Variants in ABCG8 observed in about 807,000 individuals in gnomAD.
The protein encoded by ABCG8 is ATP binding cassette subfamily G member 8.
In ABCG8, 81 loss-of-function variants were observed where a neutral mutation model predicts 71.3. The ratio of observed to expected loss-of-function variants is 1.14; its 90% CI spans 0.95 to 1.37. ABCG8 has a LOEUF of 1.37. Among genes scored for constraint, ABCG8 ranks in the 40% most tolerant of loss-of-function variants. The probability of loss-of-function intolerance (pLI) is 0.00; values close to 1 mark genes in which losing one functional copy is unlikely to be tolerated. For synonymous variants in ABCG8, 451 were observed against 354.7 expected, an observed-to-expected ratio of 1.27 and a Z score of -3.05; for missense variants, 1,119 against 866.2, an observed-to-expected ratio of 1.29 and a Z score of -3.66.
intron 6 of ABCG8, among the ~76,000 whole-genome samples, chr2:43,867,442 G>T (rs1208450884): frequency 6.6e-6 from 1 of 151,358 alleles, no homozygotes; most frequent in Non-Finnish European, 1.5e-5. Context: ...TATCTGGATA[G>T]AATTCTCACC....
At chr2:43,842,798 TG>T (rs1668622192) in intron 1 of ABCG8, among the ~76,000 whole-genome samples, 1 of 152,104 alleles carries the variant, frequency 6.6e-6, no homozygotes, top group Admixed American at 6.6e-5. Context: ...TGTATAATTT[TG>T]GGTCTTTATG....
chr2:43,859,052 A>C (rs1283090842), intron 6 of ABCG8, among the ~76,000 whole-genome samples: 1 of 151,474 alleles, frequency 6.6e-6, no homozygotes, highest in East Asian at 1.9e-4. Context: ...CACCATCTGG[A>C]TAGAACTCTC....
chr2:43,874,310 A>T, intron 9 of ABCG8, 97 bp from the exon 10 acceptor site: 1 of 1,092,966 alleles, frequency 9.1e-7, no homozygotes, highest in Admixed American at 1.7e-5. Context: ...GGGCAATATG[A>T]TAACTACTTT....
chr2:43,856,826 C>T (rs375270814), intron 6 of ABCG8, among the ~76,000 whole-genome samples: 1 of 151,326 alleles, frequency 6.6e-6, no homozygotes, highest in Non-Finnish European at 1.5e-5. Context: ...CTGGATAGAA[C>T]GCTCACTATC....
intron 8 of ABCG8, among the ~76,000 whole-genome samples, 155 bp downstream of exon 8, chr2:43,872,461 C>T (rs1311869427): frequency 1.3e-5 from 2 of 152,120 alleles, no homozygotes; most frequent in Non-Finnish European, 2.9e-5. Flanking sequence ...GTGGCTTATG[C>T]CTGTAATCCC....
chr2:43,871,305 T>C (rs868132193), intron 6 of ABCG8, among the ~76,000 whole-genome samples: 596 of 139,760 alleles, frequency 4.3e-3, no homozygotes, highest in Middle Eastern at 0.019. Context: ...GAATTCTCAC[T>C]CTCTGGATAG....
chr2:43,865,604 T>A (rs1247816701), intron 6 of ABCG8, among the ~76,000 whole-genome samples: 1 of 150,114 alleles, frequency 6.7e-6, no homozygotes, highest in Non-Finnish European at 1.5e-5. Context: ...ACCCTCTAGA[T>A]AGAACTCTCA....
At chr2:43,847,692 G>A (rs1473653438) in intron 3 of ABCG8, 1 of 152,080 alleles carries the variant, frequency 6.6e-6, no homozygotes, top group Non-Finnish European at 1.5e-5. Context: ...GGGCAACAGA[G>A]CACGATCCCG....
At chr2:43,856,707 C>CCA (rs1669120603) in intron 6 of ABCG8, among the ~76,000 whole-genome samples, 1 of 152,108 alleles carries the variant, frequency 6.6e-6, no homozygotes, top group East Asian at 1.9e-4. Flanking sequence ...AGAACTCTCA[C>CCA]TATCTATCTG....
chr2:43,873,965 A>T lies in ABCG8; in HGVS notation c.1390A>T (p.Ile464Phe). The T allele has an allele frequency of 6.2e-7, 1 of 1,614,064 alleles. No homozygotes were observed. The highest frequency in any genetic ancestry group is 8.5e-7 in the Non-Finnish European group (1 of 1,180,024). The change falls in exon 9 of 13, where the codon ATT becomes TTT. Residue 464 changes from isoleucine (I) to phenylalanine (F), a missense_variant. By Grantham distance (21) the Ile-to-Phe change is conservative. Transcript: ENST00000272286. ...MIGALIPFNV[I>F]LDVISKCYSE... ...CGGTGCTCTCATCCCTTTCAACGTC[A>T]TTCTGGATGTCATCTCCAAATGTGA...
chr2:43,869,219 C>T (rs780408276), intron 6 of ABCG8, among the ~76,000 whole-genome samples: 1 of 143,814 alleles, frequency 7.0e-6, no homozygotes, highest in Non-Finnish European at 1.5e-5. Flanking sequence ...TTCTTACCCT[C>T]TGGGTTGAAC....
intron 9 of ABCG8, 36 bp from the exon 10 acceptor site, chr2:43,874,371 C>G (rs748753574): frequency 2.7e-6 from 4 of 1,468,188 alleles, no homozygotes; most frequent in Admixed American, 3.4e-5. Context: ...ATTTATTCTA[C>G]TTCTTCATTC....
At position 43,875,203 on chromosome 2, in the gene ABCG8, T is replaced by C; in HGVS notation, c.1546T>C (p.Tyr516His). 1.2e-6 allele frequency: 2 copies of C among 1,614,248 alleles called. No individual in the cohort carries two copies. Among genetic ancestry groups the C allele is most frequent in the South Asian group, 2.2e-5 (2 of 91,088 alleles). ...CATCATCATCTACGGGATGCCCACC[T>C]ACTGGCTGGCCAACCTGAGGCCAGG... ...AYIIIYGMPT[Y>H]WLANLRPGLQ... Residue 516 changes from tyrosine (Y) to histidine (H), a missense_variant, in exon 11 of 13, where the codon TAC becomes CAC. Physicochemically the swap from Tyr to His is moderately conservative, Grantham distance 83. Transcript: ENST00000272286.
chr2:43,877,080 G>A (rs1012604792), intron 11 of ABCG8, among the ~76,000 whole-genome samples: 4 of 144,086 alleles, frequency 2.8e-5, no homozygotes, highest in African/African-American at 1.0e-4. Flanking sequence ...GGGGAGACTG[G>A]GAATATGAGG....
At position 43,875,227 on chromosome 2, in the gene ABCG8, G is replaced by A. The variant is rs747332972; in HGVS notation, c.1570G>A (p.Gly524Ser). 3 of 1,614,102 alleles carry A rather than the reference G, an allele frequency of 1.9e-6. No homozygotes were observed. Among genetic ancestry groups the A allele is most frequent in the Admixed American group, 3.3e-5 (2 of 60,010 alleles). The change falls in exon 11 of 13, where the codon GGC becomes AGC. Residue 524 changes from glycine (G) to serine (S), a missense_variant. Transcript: ENST00000272286. ...PTYWLANLRP[G>S]LQPFLLHFLL... is the part of the protein sequence containing the mutation. Reference sequence around the variant, plus strand: ...CTACTGGCTGGCCAACCTGAGGCCAGGCCTCCAGCCCTTCCTGCTGCACTT... The same window carrying A: ...CTACTGGCTGGCCAACCTGAGGCCAAGCCTCCAGCCCTTCCTGCTGCACTT...
At chr2:43,864,774 A>T (rs1207526247) in intron 6 of ABCG8, among the ~76,000 whole-genome samples, 1 of 151,646 alleles carries the variant, frequency 6.6e-6, no homozygotes, top group Non-Finnish European at 1.5e-5. Flanking sequence ...AACTGTCACT[A>T]TCTGGATAGA....
chr2:43,853,905 C>A (rs1296661478), intron 6 of ABCG8, among the ~76,000 whole-genome samples: 2 of 152,148 alleles, frequency 1.3e-5, no homozygotes, highest in African/African-American at 4.8e-5. Context: ...CCGCCCCTTG[C>A]CCTCTGTACT....
rs1013983192 is a variant in ABCG8, at chr2:43,882,403, A to G, written c.*4490A>G. 2 of 152,238 alleles carry G rather than the reference A, an allele frequency of 1.3e-5. No homozygotes were observed. Among genetic ancestry groups the G allele is most frequent in the Non-Finnish European group, 2.9e-5 (2 of 68,044 alleles). The allele number at this position is 152,238 out of a possible 1,614,324, so 9.4% of individuals were successfully genotyped here. A position where few individuals can be genotyped will look rare whatever the true frequency, so the allele number is the denominator to read the frequency against. ...CATACAGACCACTTTCCTTTGGCCC[A>G]ACCGGCCTTGGGGTCTGGAGCACCA... On this transcript the variant is annotated 3_prime_UTR_variant, in exon 13 of 13. Coordinates refer to ENST00000272286, the MANE Select transcript of ABCG8 (RefSeq NM_022437.3).
intron 2 of ABCG8, 60 bp from the exon 3 acceptor site, chr2:43,846,095 G>A (rs1572825639): frequency 2.5e-6 from 4 of 1,593,270 alleles, no homozygotes; most frequent in East Asian, 4.5e-5. Context: ...CTGAACAGAA[G>A]TTGCTGAAGC....
Sources: gnomAD v4.1 joint callset for allele counts (sites outside exome capture counted in the v4.1 genomes callset) on GRCh38, gnomAD v4.1.1 for gene constraint, MANE v1.5 for transcripts, NCBI Gene and HGNC (gene_info 2026-07-23, HGNC 2026-07-21) for gene names.